BNIP5: variants seen among roughly 807,000 people sequenced by gnomAD.
The protein encoded by BNIP5 is protein BNIP5.
Under a neutral mutation model 67.3 loss-of-function variants are expected in BNIP5, and 61 were observed. The observed-to-expected ratio is 0.91, with a 90% confidence interval of 0.74 to 1.12. The LOEUF (loss-of-function observed/expected upper bound fraction) is 1.12, where lower values mean the gene tolerates loss of function less well. BNIP5 is among the 50% of genes most tolerant of loss of function. The pLI, the probability that BNIP5 is intolerant of heterozygous loss-of-function variation, is 0.00. For missense variants in BNIP5, 826 were observed against 816.3 expected (o/e 1.01, Z -0.14); for synonymous variants, 317 against 319.0 (o/e 0.99, Z 0.07).
chr6:36,326,363 A>T, intron 5 of BNIP5, 147 bp downstream of exon 5: 1 of 1,014,256 alleles, frequency 9.9e-7, no homozygotes, highest in South Asian at 1.7e-5. Context: ...CTGTCTTCCC[A>T]CAGTCATCCT....
At chr6:36,328,196 T>TA (rs1771806497) in intron 3 of BNIP5, among the ~76,000 whole-genome samples, 1 of 152,212 alleles carries the variant, frequency 6.6e-6, no homozygotes. Flanking sequence ...AACAAAATGA[T>TA]ACCCACACAA....
At position 36,316,494 on chromosome 6, in the gene BNIP5, C is replaced by G. The variant is rs1041231422; in HGVS notation, c.*862G>C. ...TGATAAATCTACAAATCCACAATGTCTAGGACATGAATAGTACCTCCTGGA... is the reference window on the plus strand; with the variant it reads ...TGATAAATCTACAAATCCACAATGTGTAGGACATGAATAGTACCTCCTGGA... On this transcript the variant is annotated 3_prime_UTR_variant, in exon 12 of 12. Coordinates refer to ENST00000437635, the MANE Select transcript of BNIP5 (RefSeq NM_001010903.5). The G allele has an allele frequency of 2.5e-6, 1 of 398,524 alleles. No homozygotes were observed. Among genetic ancestry groups the G allele is most frequent in the African/African-American group, 2.1e-5 (1 of 48,640 alleles). 24.7% of individuals were successfully genotyped at this position (398,524 alleles called of 1,614,324 possible).
chr6:36,323,044 T>C (rs1771670494), intron 8 of BNIP5, among the ~76,000 whole-genome samples: 1 of 152,112 alleles, frequency 6.6e-6, no homozygotes, highest in African/African-American at 2.4e-5. Context: ...TGTTTGTGTG[T>C]GGAGAGGGAG....
In BNIP5 at chr6:36,330,466, G is replaced by GA. The variant is rs1771871070; in HGVS notation, c.224_225insT (p.Thr77HisfsTer37). 6.2e-7 allele frequency: 1 copy of GA among 1,614,190 alleles called. No individual in the cohort carries two copies. Among genetic ancestry groups the GA allele is most frequent in the Non-Finnish European group, 8.5e-7 (1 of 1,180,030 alleles). On this transcript the variant is annotated frameshift_variant, in exon 2 of 12. Transcript: ENST00000437635. LOFTEE classifies it high-confidence loss of function. The stretch of plus-strand genomic sequence containing the variant: ...AATCTCCGGTCTCCTCGGGAGTGGG[G>GA]GCTGCAGCGGTGGTGCAGTGAGCCT...
At chr6:36,324,574 A>G in intron 6 of BNIP5, among the ~76,000 whole-genome samples, 1 of 65,118 alleles carries the variant, frequency 1.5e-5, no homozygotes, top group South Asian at 6.4e-4. Flanking sequence ...TGACGGTGAT[A>G]TTATATATAT....
At chr6:36,332,453 G>C (rs992769870) in intron 1 of BNIP5, among the ~76,000 whole-genome samples, 4 of 152,054 alleles carry the variant, frequency 2.6e-5, no homozygotes, top group African/African-American at 9.7e-5. Flanking sequence ...TCCATCTCCT[G>C]TGTTTATTTT....
At position 36,317,291 on chromosome 6, in the gene BNIP5, G is replaced by T; in HGVS notation, c.*65C>A. ...TGGGACATCACAGAGCATCTTCAGG[G>T]TCTCCTGGCTAAAGCTGCGAACCAT... On this transcript the variant is annotated 3_prime_UTR_variant, in exon 12 of 12. Transcript: ENST00000437635. 1 of 1,279,998 alleles carries T rather than the reference G, an allele frequency of 7.8e-7. No homozygotes were observed. Among genetic ancestry groups the T allele is most frequent in the Non-Finnish European group, 1.1e-6 (1 of 874,938 alleles). The allele number at this position is 1,279,998 out of a possible 1,614,324, so 79.3% of individuals were successfully genotyped here.
chr6:36,334,713 C>T (rs1476082103), intron 1 of BNIP5, among the ~76,000 whole-genome samples: 1 of 152,210 alleles, frequency 6.6e-6, no homozygotes. Flanking sequence ...AATAACCTCC[C>T]CTTTCCTACA....
chr6:36,326,547 AC>A lies in BNIP5; in HGVS notation c.998del (p.Cys333LeufsTer89), dbSNP rs1414226977. ...PPKKSSFLPL[C>X]VSGHRPSISS... ...AGATGGAAGGCCGATGGCCGCTGACACACAGGGGCAGAAAGCTGGACTTCTT... is the reference window on the plus strand; with the variant it reads ...AGATGGAAGGCCGATGGCCGCTGACAACAGGGGCAGAAAGCTGGACTTCTT... On this transcript the variant is annotated frameshift_variant, in exon 5 of 12. Coordinates refer to ENST00000437635, the MANE Select transcript of BNIP5 (RefSeq NM_001010903.5). LOFTEE classifies it high-confidence loss of function. The A allele has an allele frequency of 6.2e-6, 10 of 1,614,162 alleles. No individual in the cohort carries two copies. Among genetic ancestry groups the A allele is most frequent in the Non-Finnish European group, 8.5e-6 (10 of 1,180,058 alleles).
At chr6:36,317,933 A>ATT (rs1771555017) in intron 11 of BNIP5, among the ~76,000 whole-genome samples, 1 of 152,202 alleles carries the variant, frequency 6.6e-6, no homozygotes, top group Non-Finnish European at 1.5e-5. Flanking sequence ...TCTGTAAGCT[A>ATT]TTACCTAAGC....
At chr6:36,323,783 AG>A (rs1420552329) in intron 7 of BNIP5, among the ~76,000 whole-genome samples, 11 of 152,076 alleles carry the variant, frequency 7.2e-5, no homozygotes, top group Non-Finnish European at 1.5e-5. Context: ...GTGGATCACC[AG>A]GGGTCAGGAG....
Position 36,316,595 on chromosome 6 carries a change from C to T in BNIP5, c.*761G>A, listed in dbSNP as rs945064922. On this transcript the variant is annotated 3_prime_UTR_variant, in exon 12 of 12. Transcript: ENST00000437635. ...AGCCCATTGAAGCCCTCCTCCACTT[C>T]CTGAAAACTACCCAAAAGAAGCTAT... The T allele has an allele frequency of 5.0e-6, 2 of 398,624 alleles. No homozygotes were observed. The allele number at this position is 398,624 out of a possible 1,614,324, so 24.7% of individuals were successfully genotyped here.
In BNIP5 at chr6:36,326,657, AG is replaced by A; in HGVS notation, c.888del (p.Ser297GlnfsTer125). On this transcript the variant is annotated frameshift_variant, in exon 5 of 12. Transcript: ENST00000437635. LOFTEE classifies it high-confidence loss of function. ...CCGTGTTTCTTGGGGTTTGTCTTTG[AG>A]GTTCTCTTGAGGCTTGTCTTTTTCT... ...SQEKKTSLKR[T>X]SKTNPKKHGS... 1.2e-6 allele frequency: 2 copies of A among 1,614,094 alleles called. No homozygotes were observed. Among genetic ancestry groups the A allele is most frequent in the Non-Finnish European group, 1.7e-6 (2 of 1,180,008 alleles).
rs1324416774 is a variant in BNIP5, at chr6:36,316,309, T to C, written c.*1047A>G. The C allele has an allele frequency of 1.8e-5, 7 of 393,864 alleles. No homozygotes were observed. 24.4% of individuals were successfully genotyped at this position (393,864 alleles called of 1,614,324 possible). ...CAGTCTTGTCCTTCCTGCACATAGATATGAACATGTGGCAAATTTCACACC... is the reference window on the plus strand; with the variant it reads ...CAGTCTTGTCCTTCCTGCACATAGACATGAACATGTGGCAAATTTCACACC... On this transcript the variant is annotated 3_prime_UTR_variant, in exon 12 of 12. Transcript: ENST00000437635.
Position 36,325,414 on chromosome 6 carries a change from C to A in BNIP5, c.1037G>T (p.Gly346Val). Residue 346 changes from glycine to valine, a missense_variant and splice_region_variant, in exon 6 of 12, where the codon GGC becomes GTC. Gly to Val is a moderately radical substitution (Grantham distance 109). Coordinates refer to ENST00000437635, the MANE Select transcript of BNIP5 (RefSeq NM_001010903.5). ...GHRPSISSSYGLEEPKVQEAP... is the reference protein window; with the variant it reads ...GHRPSISSSYVLEEPKVQEAP... ...CTCCTGGACTTTAGGTTCTTCCAAG[C>A]CTGAGAAGCAGAAGGAGAACGAGGG... 6.2e-7 allele frequency: 1 copy of A among 1,608,590 alleles called. No homozygotes were observed.
At chr6:36,328,846 G>A (rs12192390) in intron 2 of BNIP5, 132 bp from the exon 3 acceptor site, 60,293 of 660,590 alleles carry the variant, frequency 0.091, 3,509 homozygotes, top group Non-Finnish European at 0.12. Flanking sequence ...GCTGCAGCCC[G>A]CTCTAGGCTT....
In BNIP5 at chr6:36,328,927, G is replaced by A. The variant is rs72848582; in HGVS notation, c.611-213C>T. Among the ~76,000 whole-genome samples the A allele has an allele frequency of 2.9e-3, 437 of 151,730 alleles. 1 individual carries two copies. Among genetic ancestry groups the A allele is most frequent in the Non-Finnish European group, 5.1e-3 (349 of 67,870 alleles). The stretch of plus-strand genomic sequence containing the variant: ...CTGCTTCCACCAAGACACCTCTCTC[G>A]CTAACCCCCTCCCCGCAAATCCTCA... On this transcript the variant is annotated intron_variant, in intron 2 of 11. Coordinates refer to ENST00000437635, the MANE Select transcript of BNIP5 (RefSeq NM_001010903.5).
chr6:36,328,597 C>T lies in BNIP5; in HGVS notation c.727+1G>A, dbSNP rs368002491. On this transcript the variant is annotated splice_donor_variant, in intron 3 of 11. Coordinates refer to ENST00000437635, the MANE Select transcript of BNIP5 (RefSeq NM_001010903.5). LOFTEE classifies it high-confidence loss of function. The stretch of plus-strand genomic sequence containing the variant: ...AAAGGTCACTAGAGATTCCGACTCA[C>T]GGTCAGGCTTTTTGAGCTCCTCTTC... 5.6e-6 allele frequency: 9 copies of T among 1,600,880 alleles called. No homozygotes were observed. The highest frequency in any genetic ancestry group is 1.3e-5 in the African/African-American group (1 of 74,650).
At position 36,323,627 on chromosome 6, in the gene BNIP5, C is replaced by T. The variant is rs140391650; in HGVS notation, c.1231-94G>A. On this transcript the variant is annotated intron_variant, in intron 7 of 11. Transcript: ENST00000437635. ...AAGAGAGCCACGGTGGGCTAGCAGG[C>T]GTTGCCCAGAGAAGAGTGGTTGATG... 3,017 of 1,418,102 alleles carry T rather than the reference C, an allele frequency of 2.1e-3. 6 individuals carry two copies. The highest frequency in any genetic ancestry group is 2.8e-3 in the Non-Finnish European group (2,856 of 1,022,140). The allele number at this position is 1,418,102 out of a possible 1,614,324, so 87.8% of individuals were successfully genotyped here. A position where few individuals can be genotyped will look rare whatever the true frequency, so the allele number is the denominator to read the frequency against.
Sources: gnomAD v4.1 joint callset for allele counts (sites outside exome capture counted in the v4.1 genomes callset) on GRCh38, gnomAD v4.1.1 for gene constraint, MANE v1.5 for transcripts, NCBI Gene and HGNC (gene_info 2026-07-23, HGNC 2026-07-21) for gene names.